Variants in IDO1 observed in about 807,000 individuals in gnomAD.
IDO1 encodes indoleamine 2,3-dioxygenase 1, also known as indolamine 2,3 dioxygenase.
IDO1 carries 35 observed loss-of-function variants against 38.8 expected under a neutral mutation model. The ratio of observed to expected loss-of-function variants is 0.90; its 90% confidence interval spans 0.69 to 1.20. The LOEUF is 1.20. Among genes scored for constraint, IDO1 ranks in the 50% most tolerant of loss-of-function variants. IDO1 has a pLI of 0.00. For missense variants in IDO1, 509 were observed against 485.1 expected (o/e 1.05, Z -0.46); for synonymous variants, 171 against 170.0 (o/e 1.01, Z -0.05).
At position 39,925,235 on chromosome 8, in the gene IDO1, C is replaced by A; in HGVS notation, c.720C>A (p.Asn240Lys). The A allele has an allele frequency of 1.3e-6, 2 of 1,587,488 alleles. No individual in the cohort carries two copies. The highest frequency in any genetic ancestry group is 1.7e-6 in the Non-Finnish European group (2 of 1,169,952). The stretch of plus-strand genomic sequence containing the variant: ...TTTCCTCTGATAGCTGGAAAGGCAA[C>A]CCCCAGCTATCAGACGGTCTGGTGT... ...LRIYLSGWKG[N>K]PQLSDGLVYE... The change falls in exon 9 of 10, where the codon AAC (asparagine) becomes AAA (lysine). Residue 240 changes from asparagine to lysine, a missense_variant. Physicochemically the swap from Asn to Lys is moderately conservative, Grantham distance 94. Coordinates refer to ENST00000518237, the MANE Select transcript of IDO1 (RefSeq NM_002164.6).
rs1302814089 is a variant in IDO1, at chr8:39,923,565, C to G, written c.634C>G (p.Gln212Glu). 3.1e-6 allele frequency: 5 copies of G among 1,609,958 alleles called. No individual in the cohort carries two copies. The highest frequency in any genetic ancestry group is 4.3e-6 in the Non-Finnish European group (5 of 1,176,444). Residue 212 changes from glutamine (Q) to glutamate (E), a missense_variant, in exon 7 of 10, where the codon CAA becomes GAA. Transcript: ENST00000518237. The part of the protein sequence containing the change: ...EIASCLEKAL[Q>E]VFHQIHDHVN... ...AGCTTCTTGCTTGGAGAAAGCCCTT[C>G]AAGTGTTTCACCAAATCCACGGCAA...
chr8:39,922,674 A>G, intron 6 of IDO1, 23 bp downstream of exon 6: 1 of 1,482,586 alleles, frequency 6.7e-7, no homozygotes, highest in Middle Eastern at 1.7e-4. Flanking sequence ...TCACTTCAAA[A>G]TTTATATGTC....
chr8:39,922,506 C>T (rs750609363), intron 5 of IDO1, 46 bp from the exon 6 acceptor site: 6 of 1,176,878 alleles, frequency 5.1e-6, no homozygotes, highest in South Asian at 3.7e-5. Context: ...AAAAATATCC[C>T]ATAATTTTTG....
At chr8:39,921,938 A>T (rs1807278906) in intron 5 of IDO1, among the ~76,000 whole-genome samples, 1 of 152,204 alleles carries the variant, frequency 6.6e-6, no homozygotes, top group Admixed American at 6.5e-5. Flanking sequence ...TTGACGGGAT[A>T]ATAGAAACAG....
intron 1 of IDO1, chr8:39,914,225 C>T: frequency 2.2e-6 from 1 of 445,854 alleles, no homozygotes; most frequent in South Asian, 3.1e-5. Context: ...TCTTACTTAC[C>T]TAACATGGAT....
chr8:39,928,077 T>C lies in IDO1; in HGVS notation c.1104T>C (p.Ser368=). Reference sequence around the variant, plus strand: ...AGCAGCCAAAGGAGAATAAGACCTCTGAAGACCCTTCAAAACTGGAAGCCA... The same window carrying C: ...AGCAGCCAAAGGAGAATAAGACCTCCGAAGACCCTTCAAAACTGGAAGCCA... ...ASQQPKENKT[S]EDPSKLEAKG... is the part of the protein sequence containing the mutation. Residue 368 remains serine, a synonymous_variant, in exon 10 of 10, where the codon TCT becomes TCC. Transcript: ENST00000518237. 1 of 1,613,002 alleles carries C rather than the reference T, an allele frequency of 6.2e-7. No individual in the cohort carries two copies. The highest frequency in any genetic ancestry group is 1.1e-5 in the South Asian group (1 of 90,730).
intron 7 of IDO1, among the ~76,000 whole-genome samples, 166 bp from the exon 8 acceptor site, chr8:39,924,555 G>T (rs1807329047): frequency 6.6e-6 from 1 of 152,156 alleles, no homozygotes; most frequent in South Asian, 2.1e-4. Context: ...TCCTGGAAGA[G>T]GGTAGGAAAG....
intron 6 of IDO1, 89 bp from the exon 7 acceptor site, chr8:39,923,380 G>A: frequency 2.6e-6 from 2 of 773,302 alleles, no homozygotes; most frequent in Non-Finnish European, 4.1e-6. Flanking sequence ...CCCCAGCCTG[G>A]ACAACTGAGC....
chr8:39,928,243 A>C lies in IDO1; in HGVS notation c.*58A>C. 2 of 1,228,154 alleles carry C rather than the reference A, an allele frequency of 1.6e-6. No individual in the cohort carries two copies. The highest frequency in any genetic ancestry group is 2.3e-6 in the Non-Finnish European group (2 of 873,612). 76.1% of individuals were successfully genotyped at this position (1,228,154 alleles called of 1,614,324 possible). ...AGAGACATCTGTATGCATTCCTGTC[A>C]TTACCCATTGTAACAGAGCCACAAA... On this transcript the variant is annotated 3_prime_UTR_variant, in exon 10 of 10. Coordinates refer to ENST00000518237, the MANE Select transcript of IDO1 (RefSeq NM_002164.6).
chr8:39,926,673 A>AT (rs992693572), intron 9 of IDO1, among the ~76,000 whole-genome samples: 7 of 152,122 alleles, frequency 4.6e-5, no homozygotes, highest in Non-Finnish European at 8.8e-5. Flanking sequence ...CATTTTTAAA[A>AT]TTTTTTTATC....
intron 9 of IDO1, among the ~76,000 whole-genome samples, chr8:39,926,183 T>C (rs904406899): frequency 6.6e-6 from 1 of 151,768 alleles, no homozygotes; most frequent in Admixed American, 6.6e-5. Context: ...CGAGACTCCA[T>C]CTCAAAAAAA....
At chr8:39,918,765 AAAAAC>A (rs2129592187) in intron 3 of IDO1, 45 bp from the exon 4 acceptor site, 155 of 759,186 alleles carry the variant, frequency 2.0e-4, no homozygotes, top group Middle Eastern at 2.6e-4. Context: ...AAAAAAAAAA[AAAAAC>A]AACAACAACA....
intron 1 of IDO1, among the ~76,000 whole-genome samples, chr8:39,916,558 A>C (rs1200738490): frequency 2.0e-5 from 3 of 152,206 alleles, no homozygotes; most frequent in Non-Finnish European, 4.4e-5. Context: ...ATGAAAAAAA[A>C]TTATTGGTTA....
At position 39,918,878 on chromosome 8, in the gene IDO1, A is replaced by G. The variant is rs1807226417; in HGVS notation, c.367A>G (p.Ile123Val). The change falls in exon 4 of 10, where the codon ATT (isoleucine) becomes GTT (valine). Residue 123 changes from isoleucine to valine, a missense_variant. By Grantham distance (29) the Ile-to-Val change is conservative (BLOSUM62 3). Coordinates refer to ENST00000518237, the MANE Select transcript of IDO1 (RefSeq NM_002164.6). Reference protein sequence around the residue: ...QLSKKLELPPILVYADCVLAN... With the variant: ...QLSKKLELPPVLVYADCVLAN... ...CTCCAAGAAACTGGAACTGCCTCCT[A>G]TTTTGGTTTATGCAGACTGTGTCTT... is the stretch of plus-strand genomic sequence containing the variant. The G allele has an allele frequency of 3.7e-6, 6 of 1,613,102 alleles. No individual in the cohort carries two copies. Among genetic ancestry groups the G allele is most frequent in the South Asian group, 2.2e-5 (2 of 91,060 alleles).
chr8:39,924,643 T>C, intron 7 of IDO1, 78 bp from the exon 8 acceptor site: 1 of 1,008,436 alleles, frequency 9.9e-7, no homozygotes, highest in South Asian at 1.4e-5. Context: ...CAAAATCCAT[T>C]ATCAGTTGTA....
intron 6 of IDO1, 47 bp from the exon 7 acceptor site, chr8:39,923,419 AAAG>A (rs1807307214): frequency 1.4e-5 from 15 of 1,101,036 alleles, no homozygotes; most frequent in East Asian, 5.1e-5. Context: ...AAAAAAAAAA[AAAG>A]AAAGAAAGAA....
intron 1 of IDO1, among the ~76,000 whole-genome samples, chr8:39,917,495 C>T (rs1255222628): frequency 6.6e-6 from 1 of 151,834 alleles, no homozygotes; most frequent in Non-Finnish European, 1.5e-5. Context: ...GACTCCAATT[C>T]AAAAAAGAAA....
chr8:39,914,741 A>G (rs1400300968), intron 1 of IDO1, among the ~76,000 whole-genome samples: 1 of 152,060 alleles, frequency 6.6e-6, no homozygotes, highest in Non-Finnish European at 1.5e-5. Flanking sequence ...AGCCATCCCA[A>G]AAGTTATGTA....
rs551433293 is a variant in IDO1, at chr8:39,922,655, C to A, written c.537+4C>A. The A allele has an allele frequency of 1.3e-6, 2 of 1,590,248 alleles. No individual in the cohort carries two copies. The highest frequency in any genetic ancestry group is 1.1e-5 in the South Asian group (1 of 90,612). On this transcript the variant is annotated splice_donor_region_variant and intron_variant, in intron 6 of 9. Transcript: ENST00000518237. Reference sequence around the variant, plus strand: ...AGCAGCTGCTTCTGCAATCAAAGTACGTCTATCCTCACTTCAAAATTTATA... The same window carrying A: ...AGCAGCTGCTTCTGCAATCAAAGTAAGTCTATCCTCACTTCAAAATTTATA...
Sources: allele counts gnomAD v4.1 joint callset (sites outside exome capture counted in the v4.1 genomes callset), GRCh38; gene constraint gnomAD v4.1.1; transcripts MANE v1.5; gene names NCBI Gene and HGNC (gene_info 2026-07-23, HGNC 2026-07-21).